Variants in PADI3 observed in about 807,000 individuals in gnomAD.
PADI3 encodes the protein protein-arginine deiminase type-3.
In PADI3, 53 loss-of-function variants were observed where a neutral mutation model predicts 71.5. The ratio of observed to expected loss-of-function variants is 0.74; its 90% CI spans 0.59 to 0.93. The LOEUF is 0.93. Among genes scored for constraint, PADI3 ranks in the 40% least tolerant of loss-of-function variants. PADI3 has a pLI of 0.00. For missense variants in PADI3, 821 were observed against 868.0 expected, an observed-to-expected ratio of 0.95 and a Z score of 0.68; for synonymous variants, 361 against 347.5, an observed-to-expected ratio of 1.04 and a Z score of -0.43.
At position 17,270,269 on chromosome 1, in the gene PADI3, T is replaced by G. The variant is rs773641015; in HGVS notation, c.689T>G (p.Leu230Arg). Residue 230 changes from leucine (L) to arginine (R), a missense_variant, in exon 7 of 16, where the codon CTG becomes CGG. Transcript: ENST00000375460. ...EDVCEAYRHV[L>R]GQDKVSYEVP... ...GTGTGTGAGGCCTATAGGCATGTGC[T>G]GGGCCAAGATAAGGTGTCCTATGAG... is the stretch of plus-strand genomic sequence containing the variant. 4 of 1,613,834 alleles carry G rather than the reference T, an allele frequency of 2.5e-6. No individual in the cohort carries two copies. The South Asian group carries it at 4.4e-5, about 18-fold the overall frequency.
Position 17,270,286 on chromosome 1 carries a change from T to A in PADI3, c.706T>A (p.Ser236Thr). 6.2e-7 allele frequency: 1 copy of A among 1,613,836 alleles called. No homozygotes were observed. Among genetic ancestry groups the A allele is most frequent in the Non-Finnish European group, 8.5e-7 (1 of 1,179,932 alleles). Residue 236 changes from serine to threonine, a missense_variant, in exon 7 of 16, where the codon TCC (serine) becomes ACC (threonine). Ser to Thr is a moderately conservative substitution (Grantham distance 58). Transcript: ENST00000375460. ...YRHVLGQDKVSYEVPRLHGDE... is the reference protein window; with the variant it reads ...YRHVLGQDKVTYEVPRLHGDE... ...GCATGTGCTGGGCCAAGATAAGGTGTCCTATGAGGTACCCCGCTTGCATGG... is the reference window on the plus strand; with the variant it reads ...GCATGTGCTGGGCCAAGATAAGGTGACCTATGAGGTACCCCGCTTGCATGG...
chr1:17,272,745 G>A (rs1219650095), intron 9 of PADI3, among the ~76,000 whole-genome samples: 1 of 152,050 alleles, frequency 6.6e-6, no homozygotes, highest in Non-Finnish European at 1.5e-5. Context: ...CAATCCTCCC[G>A]CCTCACCCTC....
At chr1:17,250,242 G>A (rs1428084803) in intron 1 of PADI3, among the ~76,000 whole-genome samples, 2 of 152,072 alleles carry the variant, frequency 1.3e-5, no homozygotes, top group African/African-American at 4.8e-5. Flanking sequence ...CCTCTCCTCA[G>A]GCCAGGTTTC....
At position 17,282,932 on chromosome 1, in the gene PADI3, G is replaced by A. The variant is rs151062901; in HGVS notation, c.1848G>A (p.Lys616=). Residue 616 remains lysine (K), a synonymous_variant, in exon 16 of 16, where the codon AAG becomes AAA. Transcript: ENST00000375460. ...IINGCCCLEE[K]VRSLLEPLGL... The stretch of plus-strand genomic sequence containing the variant: ...ATGGCTGCTGCTGCCTGGAGGAGAA[G>A]GTGCGGTCCCTGCTGGAGCCGCTGG... 4.8e-5 allele frequency: 77 copies of A among 1,614,032 alleles called. No homozygotes were observed. The highest frequency in any genetic ancestry group is 6.4e-5 in the Non-Finnish European group (76 of 1,180,002).
Position 17,267,936 on chromosome 1 carries a change from A to G in PADI3, c.626A>G (p.Lys209Arg), listed in dbSNP as rs991325576. Residue 209 changes from lysine (K) to arginine (R), a missense_variant, in exon 6 of 16, where the codon AAA (lysine) becomes AGA (arginine). Transcript: ENST00000375460. ...LVLHTSSYDAKRAQVFHICGP... is the reference protein window; with the variant it reads ...LVLHTSSYDARRAQVFHICGP... ...CTCCATACCTCCAGCTATGATGCCA[A>G]ACGGGCACAGGTCTTCCACATCTGC... 5.0e-6 allele frequency: 8 copies of G among 1,614,062 alleles called. No individual in the cohort carries two copies. Among genetic ancestry groups the G allele is most frequent in the Non-Finnish European group, 6.8e-6 (8 of 1,180,054 alleles).
At chr1:17,262,105 G>A (rs1473905663) in intron 2 of PADI3, 28 bp from the exon 3 acceptor site, 4 of 1,607,336 alleles carry the variant, frequency 2.5e-6, no homozygotes, top group East Asian at 2.2e-5. Context: ...GCTTCTGCTG[G>A]TATTACTCTG....
In PADI3 at chr1:17,280,384, G is replaced by A. The variant is rs2073385338; in HGVS notation, c.1590G>A (p.Gln530=). 2 of 1,614,018 alleles carry A rather than the reference G, an allele frequency of 1.2e-6. No individual in the cohort carries two copies. Among genetic ancestry groups the A allele is most frequent in the Admixed American group, 3.3e-5 (2 of 60,008 alleles). The change falls in exon 14 of 16, where the codon CAG becomes CAA. Residue 530 remains glutamine, a synonymous_variant. Coordinates refer to ENST00000375460, the MANE Select transcript of PADI3 (RefSeq NM_016233.2). The stretch of plus-strand genomic sequence containing the variant: ...AGGTCAAGACCATCTCCATCAACCA[G>A]GTGCTCTCCAATAAAGACCTCATCA... ...DEQVKTISIN[Q]VLSNKDLINY...
intron 15 of PADI3, among the ~76,000 whole-genome samples, chr1:17,281,137 C>G (rs2073395086): frequency 6.6e-6 from 1 of 152,270 alleles, no homozygotes; most frequent in African/African-American, 2.4e-5. Context: ...TTCCTCCCAG[C>G]TTGTGGCTCT....
intron 1 of PADI3, 95 bp downstream of exon 1, chr1:17,249,324 C>G: frequency 9.9e-7 from 1 of 1,008,056 alleles, no homozygotes; most frequent in Non-Finnish European, 1.6e-6. Flanking sequence ...TCAGGGCCCA[C>G]TCCCCAGCCT....
rs982423128 is a variant in PADI3, at chr1:17,266,579, T to C, written c.409-140T>C. 28 of 706,814 alleles carry C rather than the reference T, an allele frequency of 4.0e-5. No individual in the cohort carries two copies. In the Admixed American group the frequency reaches 5.6e-4, roughly 14 times the overall value. 43.8% of individuals were successfully genotyped at this position (706,814 alleles called of 1,614,324 possible). The stretch of plus-strand genomic sequence containing the variant: ...CAACAGAGAGCCATTGCCATTGACA[T>C]GTCTTGAGAAGGAGGTGCTTCGAGA... On this transcript the variant is annotated intron_variant, in intron 4 of 15. Coordinates refer to ENST00000375460, the MANE Select transcript of PADI3 (RefSeq NM_016233.2).
Position 17,274,285 on chromosome 1 carries a change from G to A in PADI3, c.1156-350G>A, listed in dbSNP as rs142969083. ...CAATTGGCCACTTGAGCTGCTACTTGCCCTTGGGCTGAACTTGCAGGAAGG... is the reference window on the plus strand; with the variant it reads ...CAATTGGCCACTTGAGCTGCTACTTACCCTTGGGCTGAACTTGCAGGAAGG... On this transcript the variant is annotated intron_variant, in intron 10 of 15. Transcript: ENST00000375460. Among the ~76,000 whole-genome samples, 572 of 152,344 alleles carry A rather than the reference G, an allele frequency of 3.8e-3. 6 individuals carry two copies. The highest frequency in any genetic ancestry group is 0.013 in the African/African-American group (536 of 41,580).
chr1:17,282,896 G>A lies in PADI3; in HGVS notation c.1812G>A (p.Gly604=). The A allele has an allele frequency of 6.2e-7, 1 of 1,614,072 alleles. No homozygotes were observed. The highest frequency in any genetic ancestry group is 1.1e-5 in the South Asian group (1 of 91,072). ...GKHLGIPKPF[G]PIINGCCCLE... Reference sequence around the variant, plus strand: ...ACCTGGGCATCCCCAAGCCCTTTGGGCCCATCATCAATGGCTGCTGCTGCC... The same window carrying A: ...ACCTGGGCATCCCCAAGCCCTTTGGACCCATCATCAATGGCTGCTGCTGCC... The change falls in exon 16 of 16, where the codon GGG becomes GGA. Residue 604 remains glycine (G), a synonymous_variant. Transcript: ENST00000375460.
rs377096377 is a variant in PADI3, at chr1:17,267,942, C to T, written c.632C>T (p.Ala211Val). The T allele has an allele frequency of 6.8e-6, 11 of 1,614,180 alleles. No homozygotes were observed. The highest frequency in any genetic ancestry group is 9.3e-6 in the Non-Finnish European group (11 of 1,180,044). The change falls in exon 6 of 16, where the codon GCA becomes GTA. Residue 211 changes from alanine to valine, a missense_variant. Coordinates refer to ENST00000375460, the MANE Select transcript of PADI3 (RefSeq NM_016233.2). ...ACCTCCAGCTATGATGCCAAACGGG[C>T]ACAGGTCTTCCACATCTGCGGTGAG... ...LHTSSYDAKRAQVFHICGPED... is the reference protein window; with the variant it reads ...LHTSSYDAKRVQVFHICGPED...
At chr1:17,277,105 C>T (rs1426145366) in intron 13 of PADI3, among the ~76,000 whole-genome samples, 1 of 151,638 alleles carries the variant, frequency 6.6e-6, no homozygotes, top group East Asian at 1.9e-4. Flanking sequence ...ATGGACTGAG[C>T]GGGGACATAG....
intron 13 of PADI3, among the ~76,000 whole-genome samples, chr1:17,279,106 G>A (rs1400087173): frequency 3.9e-5 from 6 of 152,150 alleles, no homozygotes; most frequent in African/African-American, 1.4e-4. Flanking sequence ...CCAGGAATGG[G>A]TTGAGCAGAG....
intron 1 of PADI3, among the ~76,000 whole-genome samples, chr1:17,257,447 C>T (rs1036988130): frequency 3.9e-5 from 6 of 152,198 alleles, no homozygotes; most frequent in African/African-American, 1.4e-4. Context: ...AAATACTTCA[C>T]GGGAGTACCA....
chr1:17,280,248 C>A, intron 13 of PADI3, 102 bp from the exon 14 acceptor site: 2 of 889,038 alleles, frequency 2.2e-6, no homozygotes, highest in Non-Finnish European at 3.7e-6. Flanking sequence ...CTCGGCAAGA[C>A]CATTAGCTGT....
intron 12 of PADI3, 26 bp downstream of exon 12, chr1:17,276,689 T>A: frequency 1.2e-6 from 2 of 1,613,958 alleles, no homozygotes; most frequent in Non-Finnish European, 1.7e-6. Flanking sequence ...ATGACGTGTC[T>A]TTCCCTGGCA....
intron 2 of PADI3, among the ~76,000 whole-genome samples, chr1:17,260,189 G>A (rs943813474): frequency 6.6e-6 from 1 of 152,158 alleles, no homozygotes; most frequent in Non-Finnish European, 1.5e-5. Context: ...AGAAAGCAGG[G>A]ACAGGGGAGG....
Sources: gnomAD v4.1 joint callset for allele counts (sites outside exome capture counted in the v4.1 genomes callset) on GRCh38, gnomAD v4.1.1 for gene constraint, MANE v1.5 for transcripts, NCBI Gene and HGNC (gene_info 2026-07-23, HGNC 2026-07-21) for gene names.